The following METTL21A variants were observed in gnomAD, a reference collection of about 807,000 sequenced individuals.
METTL21A encodes the protein protein N-lysine methyltransferase METTL21A.
In METTL21A, 22 loss-of-function variants were observed where a neutral mutation model predicts 20.9. That is an observed-to-expected ratio of 1.05 (90% CI 0.75 to 1.50). The LOEUF is 1.50. Among genes scored for constraint, METTL21A ranks in the 40% most tolerant of loss-of-function variants. The pLI, the probability that METTL21A is intolerant of heterozygous loss-of-function variation, is 0.00. For synonymous variants in METTL21A, 93 were observed against 102.0 expected, an observed-to-expected ratio of 0.91 and a Z score of 0.53; for missense variants, 271 against 266.8, an observed-to-expected ratio of 1.02 and a Z score of -0.11.
chr2:207,587,715 TCTCA>T (rs1255481773), intron 3 of METTL21A, among the ~76,000 whole-genome samples: 4 of 152,210 alleles, frequency 2.6e-5, no homozygotes, highest in African/African-American at 7.2e-5. Context: ...TACCACATGT[TCTCA>T]CTCATGTGGG....
At chr2:207,597,885 T>C in intron 3 of METTL21A, 1 of 189,146 alleles carries the variant, frequency 5.3e-6, no homozygotes, top group Non-Finnish European at 1.1e-5. Flanking sequence ...AGTAAAATGC[T>C]GATCAGTAAA....
downstream of METTL21A, among the ~76,000 whole-genome samples, chr2:207,606,109 A>G (rs1420346436): frequency 6.6e-6 from 1 of 152,234 alleles, no homozygotes; most frequent in African/African-American, 2.4e-5. Context: ...TAGTGTTACT[A>G]AATTTTTAAC....
chr2:207,588,530 A>C (rs2084312494), intron 3 of METTL21A, among the ~76,000 whole-genome samples: 1 of 152,216 alleles, frequency 6.6e-6, no homozygotes, highest in African/African-American at 2.4e-5. Context: ...TGTATATTTT[A>C]TAATCCGCTT....
intron 3 of METTL21A, among the ~76,000 whole-genome samples, chr2:207,588,000 T>TA (rs1222608870): frequency 6.6e-6 from 1 of 152,228 alleles, no homozygotes; most frequent in African/African-American, 2.4e-5. Flanking sequence ...ATATGCTAGT[T>TA]ACCATAATTT....
chr2:207,595,607 G>C (rs1336978870), intron 3 of METTL21A, among the ~76,000 whole-genome samples: 1 of 151,860 alleles, frequency 6.6e-6, no homozygotes, highest in Non-Finnish European at 1.5e-5. Flanking sequence ...TTGTCACCCA[G>C]GTTGGAATGC....
intron 3 of METTL21A, among the ~76,000 whole-genome samples, chr2:207,583,094 T>G (rs2083230072): frequency 1.3e-5 from 2 of 152,118 alleles, no homozygotes; most frequent in African/African-American, 4.8e-5. Flanking sequence ...TAACAACTAT[T>G]TACATAGTAT....
chr2:207,604,454 T>C (rs1173884935), downstream of METTL21A, among the ~76,000 whole-genome samples: 1 of 144,524 alleles, frequency 6.9e-6, no homozygotes, highest in Non-Finnish European at 1.5e-5. Context: ...ATCAGTGTTA[T>C]CCTTCTTCTT....
downstream of METTL21A, chr2:207,609,579 T>C (rs2088626865): frequency 6.6e-6 from 1 of 152,096 alleles, no homozygotes; most frequent in African/African-American, 2.4e-5. Flanking sequence ...CAATTACAAG[T>C]CCAATACAAA....
At chr2:207,608,446 A>C (rs1302493118), downstream of METTL21A, among the ~76,000 whole-genome samples, 2 of 151,800 alleles carry the variant, frequency 1.3e-5, no homozygotes, top group Non-Finnish European at 2.9e-5. Context: ...TGTGCTTCTA[A>C]TTTGTAGGGC....
At chr2:207,583,596 T>A (rs895516008) in intron 3 of METTL21A, among the ~76,000 whole-genome samples, 6 of 152,172 alleles carry the variant, frequency 3.9e-5, no homozygotes, top group Admixed American at 3.3e-4. Context: ...TCAATGAGGT[T>A]ATATCATATG....
intron 3 of METTL21A, among the ~76,000 whole-genome samples, chr2:207,619,112 T>C (rs147401849): frequency 7.6e-4 from 116 of 151,666 alleles, no homozygotes; most frequent in African/African-American, 2.7e-3. Context: ...TACTCAGGAA[T>C]TAGCAGCTGG....
downstream of METTL21A, chr2:207,609,225 CTGTT>C (rs1212552184): frequency 6.6e-6 from 1 of 152,146 alleles, no homozygotes; most frequent in Non-Finnish European, 1.5e-5. Context: ...AGAGAACGTC[CTGTT>C]TTTAAGATTT....
intron 3 of METTL21A, among the ~76,000 whole-genome samples, chr2:207,618,171 T>G (rs1559122291): frequency 6.6e-6 from 1 of 152,160 alleles, no homozygotes; most frequent in South Asian, 2.1e-4. Context: ...TCAAATCACA[T>G]GGGAAACTTT....
At chr2:207,592,055 T>G (rs1339313833) in intron 3 of METTL21A, among the ~76,000 whole-genome samples, 1 of 152,174 alleles carries the variant, frequency 6.6e-6, no homozygotes, top group Non-Finnish European at 1.5e-5. Context: ...TCCCTCTAGT[T>G]TTGTTTGAAA....
chr2:207,602,307 T>C (rs2087203688), intron 3 of METTL21A: 1 of 195,500 alleles, frequency 5.1e-6, no homozygotes, highest in African/African-American at 2.3e-5. Context: ...CAGGCAGTTT[T>C]AGCACAGAAA....
chr2:207,585,949 T>C lies in METTL21A; in HGVS notation c.260-3789A>G, dbSNP rs557100511. ...TATAGGAAAAGGCATAGAAAACCTATTTAACAAAATAATCACTGAAGACCT... is the reference window on the plus strand; with the variant it reads ...TATAGGAAAAGGCATAGAAAACCTACTTAACAAAATAATCACTGAAGACCT... On this transcript the variant is annotated intron_variant, in intron 3 of 3. Transcript: ENST00000425132. Among the ~76,000 whole-genome samples the C allele has an allele frequency of 3.3e-5, 5 of 152,238 alleles. No homozygotes were observed. The South Asian group carries it at 1.0e-3, about 32-fold the overall frequency.
intron 1 of METTL21A, 194 bp from the exon 2 acceptor site, chr2:207,624,598 C>CG (rs1203862323): frequency 6.6e-5 from 31 of 470,976 alleles, no homozygotes; most frequent in African/African-American, 1.0e-4. Flanking sequence ...TTTGTGTCAA[C>CG]GGATGTGTTT....
intron 3 of METTL21A, among the ~76,000 whole-genome samples, chr2:207,617,049 A>C (rs2089856165): frequency 6.6e-6 from 1 of 152,232 alleles, no homozygotes; most frequent in African/African-American, 2.4e-5. Context: ...AGGGTGAGAC[A>C]GTATTTAGTT....
intron 3 of METTL21A, chr2:207,602,592 A>G (rs2087275099): frequency 4.7e-6 from 1 of 211,660 alleles, no homozygotes; most frequent in Non-Finnish European, 9.6e-6. Flanking sequence ...GAGGAAGAAA[A>G]TCTCTGCAAA....
Sources: gnomAD v4.1 joint callset for allele counts (sites outside exome capture counted in the v4.1 genomes callset) on GRCh38, gnomAD v4.1.1 for gene constraint, MANE v1.5 for transcripts, NCBI Gene and HGNC (gene_info 2026-07-23, HGNC 2026-07-21) for gene names.